Variants in GPHN observed in about 807,000 individuals in gnomAD.
GPHN encodes the protein gephyrin.
GPHN carries 17 observed loss-of-function variants against 95.5 expected under a neutral mutation model. That is an observed-to-expected ratio of 0.18 (90% confidence interval 0.12 to 0.27). The LOEUF is 0.27. Ranked by LOEUF, GPHN falls within the 10% of genes least tolerant of loss-of-function variation. GPHN has a pLI of 1.00. For synonymous variants in GPHN, 320 were observed against 322.5 expected (o/e 0.99, Z 0.08); for missense variants, 660 against 978.1 (o/e 0.67, Z 4.34).
intron 3 of GPHN, among the ~76,000 whole-genome samples, chr14:66,814,674 C>CA (rs1390006293): frequency 6.6e-6 from 1 of 152,128 alleles, no homozygotes; most frequent in Non-Finnish European, 1.5e-5. Flanking sequence ...TCAGCAACCT[C>CA]AAAGATTGAA....
chr14:67,054,808 C>G (rs1238964480), intron 10 of GPHN, among the ~76,000 whole-genome samples: 1 of 152,154 alleles, frequency 6.6e-6, no homozygotes, highest in Non-Finnish European at 1.5e-5. Flanking sequence ...CATCTACAGC[C>G]ATGTGATCTT....
intron 1 of GPHN, among the ~76,000 whole-genome samples, chr14:66,664,342 C>G (rs934909644): frequency 6.6e-6 from 1 of 152,142 alleles, no homozygotes; most frequent in Non-Finnish European, 1.5e-5. Flanking sequence ...CACTCAAAAC[C>G]ACACGATTGC....
In GPHN at chr14:67,001,053, G is replaced by A. The variant is rs529321750; in HGVS notation, c.964-22580G>A. On this transcript the variant is annotated intron_variant, in intron 9 of 22. Coordinates refer to ENST00000478722, the MANE Select transcript of GPHN (RefSeq NM_020806.5). The stretch of plus-strand genomic sequence containing the variant: ...GAAAATAGGGCAAGAAAAATTTAAA[G>A]TTTAAGATGAGGGAATATTAATGGA... 2.6e-5 allele frequency among the ~76,000 whole-genome samples: 4 copies of A among 151,634 alleles called. 1 individual carries two copies. Among genetic ancestry groups the A allele is most frequent in the African/African-American group, 9.6e-5 (4 of 41,522 alleles).
At chr14:66,638,465 A>G (rs1000161018) in intron 1 of GPHN, among the ~76,000 whole-genome samples, 1 of 152,094 alleles carries the variant, frequency 6.6e-6, no homozygotes, top group Non-Finnish European at 1.5e-5. Context: ...GACAACAACA[A>G]CAACAAACAA....
intron 3 of GPHN, among the ~76,000 whole-genome samples, chr14:66,787,893 A>G (rs1026898467): frequency 6.7e-6 from 1 of 150,366 alleles, no homozygotes; most frequent in Non-Finnish European, 1.5e-5. Flanking sequence ...CAGAAGAAAA[A>G]AAAAAGCAAA....
chr14:67,417,669 G>A, the GPHN span, among the ~76,000 whole-genome samples: 16 of 152,112 alleles, frequency 1.1e-4, no homozygotes, highest in South Asian at 1.5e-3. Context: ...GGGCTCAAGT[G>A]AGCCTCCTGC....
chr14:66,982,333 A>G (rs535019455), intron 9 of GPHN, among the ~76,000 whole-genome samples: 2 of 152,202 alleles, frequency 1.3e-5, no homozygotes, highest in African/African-American at 4.8e-5. Context: ...TTGTTGCATA[A>G]TATTACTAGA....
chr14:67,511,896 G>A, the GPHN span, among the ~76,000 whole-genome samples: 14 of 152,230 alleles, frequency 9.2e-5, no homozygotes, highest in Admixed American at 3.9e-4. Flanking sequence ...AAATGTGATG[G>A]TTGACTTAGC....
chr14:67,166,252 A>G (rs1429338904), intron 20 of GPHN, among the ~76,000 whole-genome samples: 1 of 152,230 alleles, frequency 6.6e-6, no homozygotes, highest in African/African-American at 2.4e-5. Context: ...TAGTCCTCAG[A>G]ATGTATCTGT....
chr14:67,400,459 G>T, the GPHN span, among the ~76,000 whole-genome samples: 4 of 152,138 alleles, frequency 2.6e-5, no homozygotes, highest in South Asian at 8.3e-4. Context: ...AGCTATTGGG[G>T]TTCTCTACTG....
intron 9 of GPHN, among the ~76,000 whole-genome samples, chr14:66,993,947 G>A (rs879941558): frequency 2.6e-5 from 4 of 152,112 alleles, no homozygotes; most frequent in African/African-American, 7.2e-5. Context: ...CAATAATGAT[G>A]AAGATAACAG....
intron 2 of GPHN, among the ~76,000 whole-genome samples, chr14:66,735,263 A>G (rs1338591912): frequency 1.3e-5 from 2 of 152,168 alleles, no homozygotes; most frequent in Non-Finnish European, 1.5e-5. Context: ...ATCTCAAGGT[A>G]GTTCGCAGTT....
intron 10 of GPHN, among the ~76,000 whole-genome samples, chr14:67,055,060 C>A (rs1489747720): frequency 6.6e-6 from 1 of 152,134 alleles, no homozygotes; most frequent in African/African-American, 2.4e-5. Flanking sequence ...ACAAAAACGT[C>A]AAAAGCAATT....
At chr14:66,828,059 T>C (rs1327986579) in intron 4 of GPHN, among the ~76,000 whole-genome samples, 1 of 151,978 alleles carries the variant, frequency 6.6e-6, no homozygotes, top group Non-Finnish European at 1.5e-5. Context: ...TAAATATGTC[T>C]TCTCTAATAC....
the GPHN span, among the ~76,000 whole-genome samples, chr14:67,554,347 G>A: frequency 6.6e-6 from 1 of 152,312 alleles, no homozygotes; most frequent in Middle Eastern, 3.4e-3. Flanking sequence ...CCAGGCTGAA[G>A]GGAGAAGGTT....
At chr14:66,925,312 G>A (rs774116277) in intron 8 of GPHN, among the ~76,000 whole-genome samples, 13 of 151,990 alleles carry the variant, frequency 8.6e-5, no homozygotes, top group Non-Finnish European at 1.5e-4. Context: ...ATTCTAAAAT[G>A]TACAACAAAT....
chr14:66,508,404 C>T lies in GPHN; in HGVS notation c.-124C>T, dbSNP rs2057874810. 3.4e-6 allele frequency: 3 copies of T among 877,820 alleles called. No individual in the cohort carries two copies. The highest frequency in any genetic ancestry group is 2.4e-5 in the East Asian group (1 of 41,420). The allele number at this position is 877,820 out of a possible 1,614,324, so 54.4% of individuals were successfully genotyped here. ...TCTGTGGCCTCCCCCTCCTTCCCCG[C>T]TCTCCTCGCGCTTCTCTGGCTCCCT... On this transcript the variant is annotated 5_prime_UTR_variant, in exon 1 of 23. Transcript: ENST00000478722.
intron 8 of GPHN, among the ~76,000 whole-genome samples, chr14:66,945,735 TAAAAG>T (rs1272769129): frequency 6.6e-6 from 1 of 152,148 alleles, no homozygotes; most frequent in Admixed American, 6.5e-5. Flanking sequence ...TTTAAAAAGG[TAAAAG>T]AAAGCAGTGT....
chr14:67,210,589 ATATT>A, the GPHN span, among the ~76,000 whole-genome samples: 1 of 152,080 alleles, frequency 6.6e-6, no homozygotes, highest in Non-Finnish European at 1.5e-5. Context: ...AAAGGAATAA[ATATT>A]TGTTGTAGCT....
Sources: allele counts gnomAD v4.1 joint callset (sites outside exome capture counted in the v4.1 genomes callset), GRCh38; gene constraint gnomAD v4.1.1; transcripts MANE v1.5; gene names NCBI Gene and HGNC (gene_info 2026-07-23, HGNC 2026-07-21).